The following RFC1 variants were observed in gnomAD, a reference collection of about 807,000 sequenced individuals.
RFC1 encodes the protein A1 140 kDa subunit.
In RFC1, 37 loss-of-function variants were observed where a neutral mutation model predicts 137.4. The observed-to-expected ratio is 0.27, with a 90% confidence interval of 0.21 to 0.35. RFC1 has a LOEUF of 0.35. Ranked by LOEUF, RFC1 falls within the 10% of genes least tolerant of loss-of-function variation. The probability of loss-of-function intolerance (pLI) is 1.00; values close to 1 mark genes in which losing one functional copy is unlikely to be tolerated. For missense variants in RFC1, 1,205 were observed against 1,358.5 expected (o/e 0.89, Z 1.78); for synonymous variants, 429 against 455.7 (o/e 0.94, Z 0.75).
intron 4 of RFC1, among the ~76,000 whole-genome samples, chr4:39,331,958 G>C (rs1224607988): frequency 6.6e-6 from 1 of 152,024 alleles, no homozygotes; most frequent in African/African-American, 2.4e-5. Context: ...TGAATCATGG[G>C]GACAGGTCTT....
intron 12 of RFC1, among the ~76,000 whole-genome samples, chr4:39,309,689 A>C (rs1003354850): frequency 1.3e-5 from 2 of 152,222 alleles, no homozygotes; most frequent in Non-Finnish European, 2.9e-5. Flanking sequence ...GTGGCTGCTG[A>C]TAGGTACAGG....
At chr4:39,290,857 T>C (rs1349024136) in intron 23 of RFC1, among the ~76,000 whole-genome samples, 1 of 150,720 alleles carries the variant, frequency 6.6e-6, no homozygotes, top group African/African-American at 2.4e-5. Flanking sequence ...AAGATATAAG[T>C]TGGCCTTTAA....
rs111579862 is a variant in RFC1, at chr4:39,345,779, C to T, written c.133-303G>A. Among the ~76,000 whole-genome samples, 469 of 152,172 alleles carry T rather than the reference C, an allele frequency of 3.1e-3. 1 individual carries two copies. Among genetic ancestry groups the T allele is most frequent in the African/African-American group, 0.011 (442 of 41,518 alleles). ...AACCAGGGGGAATTTTGCATCCCCG[C>T]CCCCCAGAAGGCATTTGTCAATGTC... On this transcript the variant is annotated intron_variant, in intron 2 of 24. Coordinates refer to ENST00000349703, the MANE Select transcript of RFC1 (RefSeq NM_002913.5).
intron 12 of RFC1, among the ~76,000 whole-genome samples, chr4:39,311,137 T>A (rs2109639208): frequency 1.3e-5 from 2 of 152,156 alleles, no homozygotes; most frequent in South Asian, 4.2e-4. Context: ...CTAGACTCTG[T>A]CTCAAAAAAT....
At position 39,366,267 on chromosome 4, in the gene RFC1, C is replaced by A; in HGVS notation, c.-26G>T. ...CGCAGCCCCAGGATGAAGGCGCTGG[C>A]TGGCTGGCGGGTGGGCCGGTTGAGG... On this transcript the variant is annotated 5_prime_UTR_variant, in exon 1 of 25. Transcript: ENST00000349703. The A allele has an allele frequency of 6.5e-7, 1 of 1,533,086 alleles. No homozygotes were observed. Among genetic ancestry groups the A allele is most frequent in the South Asian group, 1.2e-5 (1 of 82,918 alleles). The allele number at this position is 1,533,086 out of a possible 1,614,324, so 95.0% of individuals were successfully genotyped here.
intron 1 of RFC1, among the ~76,000 whole-genome samples, chr4:39,355,682 G>A (rs1741437312): frequency 1.3e-5 from 2 of 152,178 alleles, no homozygotes; most frequent in African/African-American, 4.8e-5. Flanking sequence ...AGATGCTCAC[G>A]CACTATACTG....
At chr4:39,306,244 T>C (rs1738646833) in intron 14 of RFC1, among the ~76,000 whole-genome samples, 1 of 152,226 alleles carries the variant, frequency 6.6e-6, no homozygotes, top group South Asian at 2.1e-4. Flanking sequence ...GTACAGATAA[T>C]TATTCAGTAC....
chr4:39,316,566 G>T (rs1578130902), intron 10 of RFC1, among the ~76,000 whole-genome samples: 1 of 152,186 alleles, frequency 6.6e-6, no homozygotes, highest in South Asian at 2.1e-4. Flanking sequence ...GGGCATCTTA[G>T]ATTTTTCCCT....
intron 11 of RFC1, 59 bp from the exon 12 acceptor site, chr4:39,311,608 C>T: frequency 7.5e-7 from 1 of 1,341,702 alleles, no homozygotes; most frequent in South Asian, 1.4e-5. Flanking sequence ...ATTCCCTTCT[C>T]TTACAAAAAA....
At chr4:39,337,461 T>TGG (rs1030493264) in intron 4 of RFC1, among the ~76,000 whole-genome samples, 30 of 150,912 alleles carry the variant, frequency 2.0e-4, no homozygotes, top group Admixed American at 2.0e-3. Context: ...TGTGTGTGTG[T>TGG]GTGTGTGTGT....
At chr4:39,302,080 T>C (rs1431499491) in intron 19 of RFC1, among the ~76,000 whole-genome samples, 198 bp downstream of exon 19, 1 of 152,250 alleles carries the variant, frequency 6.6e-6, no homozygotes, top group Non-Finnish European at 1.5e-5. Flanking sequence ...TCAAAATTTA[T>C]AATTGACATT....
At position 39,296,658 on chromosome 4, in the gene RFC1, G is replaced by C. The variant is rs1378690484; in HGVS notation, c.2809-899C>G. ...TTCTTAATCCAGTCTATCATTGTTG[G>C]ACATTTGGGTTGGTTCCAAGTCTTT... On this transcript the variant is annotated intron_variant, in intron 21 of 24. Coordinates refer to ENST00000349703, the MANE Select transcript of RFC1 (RefSeq NM_002913.5). Among the ~76,000 whole-genome samples the C allele has an allele frequency of 2.0e-5, 3 of 151,192 alleles. No individual in the cohort carries two copies. In the East Asian group the frequency reaches 5.8e-4, roughly 29 times the overall value.
At chr4:39,330,906 TACACACAC>T (rs763485501) in intron 4 of RFC1, among the ~76,000 whole-genome samples, 1 of 150,912 alleles carries the variant, frequency 6.6e-6, no homozygotes, top group South Asian at 2.1e-4. Context: ...TATATATATA[TACACACAC>T]ACACACACAT....
At chr4:39,324,880 A>C in intron 6 of RFC1, among the ~76,000 whole-genome samples, 1 of 152,214 alleles carries the variant, frequency 6.6e-6, no homozygotes, top group Non-Finnish European at 1.5e-5. Flanking sequence ...GTGACACTTA[A>C]GCTAAGCAAG....
Position 39,345,384 on chromosome 4 carries a change from T to C in RFC1, c.208+17A>G. On this transcript the variant is annotated intron_variant, in intron 3 of 24. Coordinates refer to ENST00000349703, the MANE Select transcript of RFC1 (RefSeq NM_002913.5). The stretch of plus-strand genomic sequence containing the variant: ...AATAACTTTAAAATTTTAAAGCTCC[T>C]CAGAAGAAATTATTACCTGAATCAT... The C allele has an allele frequency of 1.2e-6, 2 of 1,608,020 alleles. No homozygotes were observed. The highest frequency in any genetic ancestry group is 1.7e-6 in the Non-Finnish European group (2 of 1,175,632).
intron 14 of RFC1, 55 bp from the exon 15 acceptor site, chr4:39,304,983 C>G: frequency 9.8e-7 from 1 of 1,019,344 alleles, no homozygotes; most frequent in Non-Finnish European, 1.6e-6. Flanking sequence ...CTCCACCACC[C>G]CCGCCAAGAA....
At chr4:39,289,269 CT>C (rs1737536692) in intron 24 of RFC1, among the ~76,000 whole-genome samples, 1 of 152,136 alleles carries the variant, frequency 6.6e-6, no homozygotes, top group South Asian at 2.1e-4. Context: ...GGAAGACCAC[CT>C]GTTAGGGTCG....
chr4:39,347,244 G>A (rs1740903707), intron 2 of RFC1, among the ~76,000 whole-genome samples: 1 of 152,192 alleles, frequency 6.6e-6, no homozygotes, highest in South Asian at 2.1e-4. Flanking sequence ...AATTGACTAA[G>A]TAAAGCAGAC....
intron 22 of RFC1, among the ~76,000 whole-genome samples, chr4:39,292,717 C>T (rs1159233756): frequency 6.6e-6 from 1 of 151,962 alleles, no homozygotes; most frequent in African/African-American, 2.4e-5. Flanking sequence ...TCTTGGCTCA[C>T]TGCAACCTCC....
Sources: gnomAD v4.1 joint callset for allele counts (sites outside exome capture counted in the v4.1 genomes callset) on GRCh38, gnomAD v4.1.1 for gene constraint, MANE v1.5 for transcripts, NCBI Gene and HGNC (gene_info 2026-07-23, HGNC 2026-07-21) for gene names.